Variants in NDFIP2 observed in about 807,000 individuals in gnomAD.
NDFIP2 encodes the protein Nedd4 family interacting protein 2.
Under a neutral mutation model 36.0 loss-of-function variants are expected in NDFIP2, and 19 were observed. That is an observed-to-expected ratio of 0.53 (90% CI 0.37 to 0.77). NDFIP2 has a LOEUF of 0.77. NDFIP2 is among the 30% of genes least tolerant of loss of function. NDFIP2 has a pLI of 0.00. For synonymous variants in NDFIP2, 181 were observed against 167.7 expected (o/e 1.08, Z -0.61); for missense variants, 446 against 435.8 (o/e 1.02, Z -0.21).
At chr13:79,492,907 A>G (rs1237241055) in intron 1 of NDFIP2, among the ~76,000 whole-genome samples, 1 of 152,068 alleles carries the variant, frequency 6.6e-6, no homozygotes. Context: ...TCCTTCTTCC[A>G]GGACTAATTT....
chr13:79,493,811 A>AT (rs1873335437), intron 1 of NDFIP2, among the ~76,000 whole-genome samples: 1 of 152,156 alleles, frequency 6.6e-6, no homozygotes, highest in South Asian at 2.1e-4. Flanking sequence ...AACCCAGCCA[A>AT]TTGTGTAGCA....
chr13:79,482,338 A>G (rs1453180112), intron 1 of NDFIP2, among the ~76,000 whole-genome samples: 3 of 152,018 alleles, frequency 2.0e-5, no homozygotes, highest in African/African-American at 4.8e-5. Flanking sequence ...GTGTTCCTCT[A>G]TATTTTCAGT....
chr13:79,538,727 C>T (rs1594857836), intron 3 of NDFIP2, among the ~76,000 whole-genome samples: 1 of 152,134 alleles, frequency 6.6e-6, no homozygotes, highest in East Asian at 1.9e-4. Flanking sequence ...GGATTACAGG[C>T]ATGTGCCACC....
intron 1 of NDFIP2, among the ~76,000 whole-genome samples, chr13:79,503,560 T>C (rs1179358753): frequency 6.6e-6 from 1 of 152,016 alleles, no homozygotes; most frequent in African/African-American, 2.4e-5. Context: ...AGGAACCAAG[T>C]TGTATGAATG....
intron 1 of NDFIP2, among the ~76,000 whole-genome samples, chr13:79,499,943 GCTGACACTACCCAA>G (rs1873591401): frequency 6.6e-6 from 1 of 151,884 alleles, no homozygotes; most frequent in Admixed American, 6.6e-5. Flanking sequence ...GAGTTGGAGG[GCTGACACTACCCAA>G]CTTCAAGAGT....
chr13:79,530,448 C>G (rs1267042139), intron 2 of NDFIP2, among the ~76,000 whole-genome samples: 2 of 152,112 alleles, frequency 1.3e-5, no homozygotes, highest in Non-Finnish European at 2.9e-5. Context: ...AATAAGACAG[C>G]AATGAAGTTT....
chr13:79,548,116 A>AT (rs913032366), intron 5 of NDFIP2, among the ~76,000 whole-genome samples: 40 of 148,926 alleles, frequency 2.7e-4, no homozygotes, highest in South Asian at 8.5e-4. Flanking sequence ...AAATACTCCA[A>AT]TTTTTTTTTT....
chr13:79,515,661 C>T (rs975654052), intron 1 of NDFIP2, among the ~76,000 whole-genome samples: 1 of 152,162 alleles, frequency 6.6e-6, no homozygotes, highest in Admixed American at 6.5e-5. Flanking sequence ...GAAAATCTAG[C>T]TCAGTATGCT....
At position 79,481,489 on chromosome 13, in the gene NDFIP2, G is replaced by A. The variant is rs1301380366; in HGVS notation, c.286G>A (p.Asp96Asn). Residue 96 changes from aspartate to asparagine, a missense_variant, in exon 1 of 8, where the codon GAT becomes AAT. This residue lies in a region of NDFIP2 where 369 missense variants were observed against 304.8 expected (regional missense o/e 1.21). Coordinates refer to ENST00000218652, the MANE Select transcript of NDFIP2 (RefSeq NM_019080.3). ...RKPDPEPGRM[D>N]HHQPGTGRYQ... ...GCCGGATCCCGAGCCGGGCAGGATG[G>A]ATCACCACCAGCCGGGGACTGGGCG... 3.8e-6 allele frequency: 6 copies of A among 1,559,636 alleles called. No individual in the cohort carries two copies. The highest frequency in any genetic ancestry group is 5.2e-6 in the Non-Finnish European group (6 of 1,151,454).
chr13:79,494,947 A>G lies in NDFIP2; in HGVS notation c.321+13423A>G, dbSNP rs187765927. On this transcript the variant is annotated intron_variant, in intron 1 of 7. Coordinates refer to ENST00000218652, the MANE Select transcript of NDFIP2 (RefSeq NM_019080.3). ...ATTTTATTCATCTTTTTAAAGAATC[A>G]TCTTTTGGCTTTGTTAAATTTCTGT... 1.4e-4 allele frequency among the ~76,000 whole-genome samples: 21 copies of G among 151,868 alleles called. No homozygotes were observed. The East Asian group carries it at 4.1e-3, about 29-fold the overall frequency.
At chr13:79,495,877 A>C (rs1026420951) in intron 1 of NDFIP2, among the ~76,000 whole-genome samples, 3 of 151,850 alleles carry the variant, frequency 2.0e-5, no homozygotes, top group African/African-American at 7.2e-5. Context: ...CTTAGATTAC[A>C]AGAAAGTGTG....
intron 2 of NDFIP2, among the ~76,000 whole-genome samples, chr13:79,529,615 A>G (rs750851124): frequency 2.6e-5 from 4 of 152,208 alleles, no homozygotes; most frequent in Non-Finnish European, 4.4e-5. Context: ...GTTTGGTAAC[A>G]TTCAGTATTA....
At chr13:79,486,694 A>C (rs1305089417) in intron 1 of NDFIP2, among the ~76,000 whole-genome samples, 1 of 152,218 alleles carries the variant, frequency 6.6e-6, no homozygotes, top group Non-Finnish European at 1.5e-5. Context: ...TTTTATTGGC[A>C]CACAGCCATG....
At chr13:79,511,557 G>A (rs1874085121) in intron 1 of NDFIP2, among the ~76,000 whole-genome samples, 1 of 152,156 alleles carries the variant, frequency 6.6e-6, no homozygotes, top group African/African-American at 2.4e-5. Flanking sequence ...AGCACTGTGG[G>A]AATCATAGAA....
rs1039149226 is a variant in NDFIP2, at chr13:79,553,338, C to A, written c.*825C>A. On this transcript the variant is annotated 3_prime_UTR_variant, in exon 8 of 8. Transcript: ENST00000218652. The stretch of plus-strand genomic sequence containing the variant: ...AATAAATTTTATTTTAAGGGACATA[C>A]TAGTTTTAGGGATTTTCAGATGGGA... 6.6e-6 allele frequency: 1 copy of A among 151,124 alleles called. No homozygotes were observed. Among genetic ancestry groups the A allele is most frequent in the African/African-American group, 2.4e-5 (1 of 41,314 alleles). The allele number at this position is 151,124 out of a possible 1,614,324, so 9.4% of individuals were successfully genotyped here.
At chr13:79,549,474 A>AT in intron 6 of NDFIP2, among the ~76,000 whole-genome samples, 1 of 152,082 alleles carries the variant, frequency 6.6e-6, no homozygotes, top group Non-Finnish European at 1.5e-5. Context: ...AGAGTAGAAT[A>AT]CAGAGGACAA....
rs1875951549 is a variant in NDFIP2, at chr13:79,552,655, G to A, written c.*142G>A. 1.3e-5 allele frequency: 2 copies of A among 151,840 alleles called. No homozygotes were observed. Among genetic ancestry groups the A allele is most frequent in the Non-Finnish European group, 3.0e-5 (2 of 67,478 alleles). 9.4% of individuals were successfully genotyped at this position (151,840 alleles called of 1,614,324 possible). A position where few individuals can be genotyped will look rare whatever the true frequency, so the allele number is the denominator to read the frequency against. ...GACGGAGTTTCGAAATTGAATGGCAGGGTGGTTTTTGCTTACAAGCCATTT... is the reference window on the plus strand; with the variant it reads ...GACGGAGTTTCGAAATTGAATGGCAAGGTGGTTTTTGCTTACAAGCCATTT... On this transcript the variant is annotated 3_prime_UTR_variant, in exon 8 of 8. Coordinates refer to ENST00000218652, the MANE Select transcript of NDFIP2 (RefSeq NM_019080.3).
Position 79,555,048 on chromosome 13 carries a change from A to C in NDFIP2, c.*2535A>C, listed in dbSNP as rs1807234976. The C allele has an allele frequency of 1.3e-5, 2 of 151,666 alleles. No individual in the cohort carries two copies. The highest frequency in any genetic ancestry group is 2.4e-5 in the African/African-American group (1 of 41,334). The allele number at this position is 151,666 out of a possible 1,614,324, so 9.4% of individuals were successfully genotyped here. On this transcript the variant is annotated 3_prime_UTR_variant, in exon 8 of 8. Coordinates refer to ENST00000218652, the MANE Select transcript of NDFIP2 (RefSeq NM_019080.3). ...AATGAAAATCTCTGCTTAATGGAAA[A>C]AATACTAATCTTTAGCCTATTTTGA...
At chr13:79,532,652 G>A (rs1875061514) in intron 2 of NDFIP2, among the ~76,000 whole-genome samples, 1 of 152,170 alleles carries the variant, frequency 6.6e-6, no homozygotes, top group Non-Finnish European at 1.5e-5. Context: ...AAGAGAAAGG[G>A]ACAAGAGTGG....
Sources: gnomAD v4.1 joint callset for allele counts (sites outside exome capture counted in the v4.1 genomes callset) on GRCh38, gnomAD v4.1.1 for gene constraint, gnomAD v4.1.1 regional missense constraint, MANE v1.5 for transcripts, NCBI Gene and HGNC (gene_info 2026-07-23, HGNC 2026-07-21) for gene names.